COL6A5: variants seen among roughly 807,000 people sequenced by gnomAD.
COL6A5 encodes collagen alpha-5(VI) chain.
In COL6A5, 48 loss-of-function variants were observed where a neutral mutation model predicts 65.6. The ratio of observed to expected loss-of-function variants is 0.73; its 90% CI spans 0.58 to 0.93. The LOEUF (loss-of-function observed/expected upper bound fraction) is 0.93. Ranked by LOEUF, COL6A5 falls within the 40% of genes least tolerant of loss-of-function variation. The probability of loss-of-function intolerance (pLI) is 0.00; values close to 1 mark genes in which losing one functional copy is unlikely to be tolerated. For missense variants in COL6A5, 914 were observed against 928.3 expected (o/e 0.98, Z 0.20); for synonymous variants, 291 against 322.8 (o/e 0.90, Z 1.05).
intron 1 of COL6A5, among the ~76,000 whole-genome samples, chr3:130,362,252 T>TTCTCTCTCTCTC (rs373519002): frequency 0.032 from 3,705 of 114,290 alleles, 173 homozygotes; most frequent in African/African-American, 0.081. Flanking sequence ...TAAGGTTTCT[T>TTCTCTCTCTCTC]TCTCTCTCTC....
At chr3:130,433,962 TA>T (rs113628121) in intron 1 of COL6A5, among the ~76,000 whole-genome samples, 2,496 of 138,828 alleles carry the variant, frequency 0.018, 72 homozygotes, top group African/African-American at 0.058. Flanking sequence ...TTATTTCTTC[TA>T]AAAAAAAAAA....
In COL6A5 at chr3:130,439,625, A is replaced by G. The variant is rs1250817604; in HGVS notation, c.581+10A>G. ...TGTGCACTTTGCTATGGTAAGACCA[A>G]TGAAGAGAATTGACTGTGCTGAAGA... On this transcript the variant is annotated intron_variant, in intron 2 of 7. Transcript: ENST00000512836. The G allele has an allele frequency of 2.6e-6, 4 of 1,539,932 alleles. No individual in the cohort carries two copies. The highest frequency in any genetic ancestry group is 1.4e-5 in the African/African-American group (1 of 72,780).
upstream of COL6A5, among the ~76,000 whole-genome samples, chr3:130,431,024 A>G (rs1336495065): frequency 1.3e-5 from 2 of 152,156 alleles, no homozygotes; most frequent in South Asian, 2.1e-4. Context: ...GGGAGAGCAG[A>G]TTTTCAAGAT....
At chr3:130,441,727 G>A (rs908963141) in intron 3 of COL6A5, among the ~76,000 whole-genome samples, 9 of 152,114 alleles carry the variant, frequency 5.9e-5, no homozygotes, top group African/African-American at 1.9e-4. Context: ...GATGCTACTA[G>A]TATCAAGTAA....
At position 130,395,474 on chromosome 3, in the gene COL6A5, T is replaced by G. The variant is rs1229023539; in HGVS notation, c.3568+9T>G. 1 of 1,528,504 alleles carries G rather than the reference T, an allele frequency of 6.5e-7. No individual in the cohort carries two copies. The highest frequency in any genetic ancestry group is 1.3e-5 in the South Asian group (1 of 79,488). 94.7% of individuals were successfully genotyped at this position (1,528,504 alleles called of 1,614,324 possible). On this transcript the variant is annotated intron_variant and NMD_transcript_variant, in intron 8 of 41. Transcript: ENST00000312481. ...GAGCTGTGGGAAAACCAGTAAGTGCTTCTTGTTTGGTTTTCTTCCATGGAA... is the reference window on the plus strand; with the variant it reads ...GAGCTGTGGGAAAACCAGTAAGTGCGTCTTGTTTGGTTTTCTTCCATGGAA...
intron 7 of COL6A5, among the ~76,000 whole-genome samples, chr3:130,482,726 A>T (rs185292441): frequency 9.9e-5 from 15 of 152,206 alleles, no homozygotes; most frequent in Admixed American, 3.3e-4. Context: ...TTCCTTGAGC[A>T]GTGGTTTGTA....
At chr3:130,434,782 T>A (rs1265897216) in intron 1 of COL6A5, among the ~76,000 whole-genome samples, 1 of 152,096 alleles carries the variant, frequency 6.6e-6, no homozygotes, top group Non-Finnish European at 1.5e-5. Context: ...TTTGATGGGG[T>A]TTTTTGGGTT....
chr3:130,440,731 A>C (rs1167842344), exon 3 of COL6A5: 1 of 1,613,312 alleles, frequency 6.2e-7, no homozygotes, highest in East Asian at 2.2e-5. Flanking sequence ...CCAGCTACCC[A>C]CTTGATCAAC....
At chr3:130,357,081 T>A (rs1934950209) in intron 1 of COL6A5, among the ~76,000 whole-genome samples, 1 of 152,178 alleles carries the variant, frequency 6.6e-6, no homozygotes, top group Non-Finnish European at 1.5e-5. Flanking sequence ...CAGTATAATT[T>A]ACTAGTTACC....
chr3:130,471,074 T>TTGTG (rs34150957), intron 7 of COL6A5, 107 bp downstream of exon 39: 19,931 of 550,650 alleles, frequency 0.036, 173 homozygotes, highest in Non-Finnish European at 0.042. Context: ...GTGTGTGTTT[T>TTGTG]TGTGTGTGTG....
intron 24 of COL6A5, among the ~76,000 whole-genome samples, chr3:130,417,064 C>T (rs1937365684): frequency 6.6e-6 from 1 of 151,586 alleles, no homozygotes; most frequent in South Asian, 2.1e-4. Context: ...AGGTATTTGT[C>T]CTAATGCTCT....
chr3:130,362,326 ATTTTTTTTT>A (rs374784717), intron 1 of COL6A5, among the ~76,000 whole-genome samples: 2 of 4,668 alleles, frequency 4.3e-4, no homozygotes, highest in African/African-American at 9.5e-4. Flanking sequence ...ATATATATAT[ATTTTTTTTT>A]TTTTTTTTTT....
At chr3:130,390,357 A>G (rs899931661) in intron 6 of COL6A5, among the ~76,000 whole-genome samples, 1 of 152,198 alleles carries the variant, frequency 6.6e-6, no homozygotes, top group East Asian at 1.9e-4. Context: ...GGACATTCAC[A>G]GTGTCAGAAA....
At chr3:130,350,997 G>A (rs1934682972) in intron 1 of COL6A5, among the ~76,000 whole-genome samples, 1 of 152,154 alleles carries the variant, frequency 6.6e-6, no homozygotes, top group Non-Finnish European at 1.5e-5. Context: ...AGAGTCCTCA[G>A]AAATAACACC....
At chr3:130,400,918 T>C (rs1936791952) in intron 10 of COL6A5, 113 bp from the exon 11 acceptor site, 5 of 893,762 alleles carry the variant, frequency 5.6e-6, no homozygotes, top group Non-Finnish European at 8.0e-6. Context: ...TATGTTTGTT[T>C]TTTTCCCCTT....
intron 5 of COL6A5, among the ~76,000 whole-genome samples, chr3:130,461,062 A>G (rs1026694157): frequency 6.6e-6 from 1 of 152,066 alleles, no homozygotes; most frequent in Admixed American, 6.6e-5. Flanking sequence ...ACATTCTTTC[A>G]TATAACAAAT....
intron 3 of COL6A5, among the ~76,000 whole-genome samples, chr3:130,378,917 C>T (rs995957991): frequency 6.6e-6 from 1 of 152,180 alleles, no homozygotes. Context: ...TATCTTCCCT[C>T]CCCAGAGAAT....
At chr3:130,481,017 AG>A (rs1445216805) in intron 7 of COL6A5, among the ~76,000 whole-genome samples, 1 of 152,042 alleles carries the variant, frequency 6.6e-6, no homozygotes, top group Admixed American at 6.6e-5. Flanking sequence ...TCCTGAGCTG[AG>A]GCAAGAGGGT....
In COL6A5 at chr3:130,362,306, ATATATATATATATATATATATTT is replaced by A. The variant is rs1416591246; in HGVS notation, c.-28-11303_-28-11281del. Among the ~76,000 whole-genome samples, 184 of 19,516 alleles carry A rather than the reference ATATATATATATATATATATATTT, an allele frequency of 9.4e-3. 3 individuals are homozygous for A. The highest frequency in any genetic ancestry group is 0.014 in the Non-Finnish European group (33 of 2,444). 12.8% of individuals were successfully genotyped at this position (19,516 alleles called of 152,430 possible). On this transcript the variant is annotated intron_variant and NMD_transcript_variant, in intron 1 of 41. Transcript: ENST00000312481. The stretch of plus-strand genomic sequence containing the variant: ...TCTTTCTCCATATATATATATATAT[ATATATATATATATATATATATTT>A]TTTTTTTTTTTTTTTTTTGCATGTG...
Sources: allele counts gnomAD v4.1 joint callset (sites outside exome capture counted in the v4.1 genomes callset), GRCh38; gene constraint gnomAD v4.1.1; transcripts MANE v1.5; gene names NCBI Gene and HGNC (gene_info 2026-07-23, HGNC 2026-07-21).